Variants in AKAP13 observed in about 807,000 individuals in gnomAD.
The protein encoded by AKAP13 is A-kinase anchoring protein 13, also known as A-kinase anchor protein 13.
In AKAP13, 80 loss-of-function variants were observed where a neutral mutation model predicts 264.5. The ratio of observed to expected loss-of-function variants is 0.30; its 90% CI spans 0.25 to 0.36. AKAP13 has a LOEUF of 0.36. AKAP13 is among the 10% of genes least tolerant of loss of function. AKAP13 has a pLI of 1.00. For synonymous variants in AKAP13, 1,380 were observed against 1,250.2 expected (o/e 1.10, Z -2.19); for missense variants, 3,712 against 3,435.2 (o/e 1.08, Z -2.01).
intron 5 of AKAP13, among the ~76,000 whole-genome samples, chr15:85,565,627 G>C (rs187167298): frequency 9.2e-5 from 14 of 152,328 alleles, no homozygotes; most frequent in African/African-American, 3.4e-4. Context: ...AAAGGAGACT[G>C]AATGTGGAAG....
intron 16 of AKAP13, among the ~76,000 whole-genome samples, chr15:85,686,844 GAACTA>G (rs1161732019): frequency 6.6e-6 from 1 of 152,184 alleles, no homozygotes; most frequent in African/African-American, 2.4e-5. Context: ...GCACCTAAGA[GAACTA>G]AAGCTCATAG....
intron 1 of AKAP13, among the ~76,000 whole-genome samples, chr15:85,392,850 A>T (rs1212638332): frequency 6.6e-6 from 1 of 152,206 alleles, no homozygotes; most frequent in Non-Finnish European, 1.5e-5. Flanking sequence ...GAATAATTGA[A>T]CTGAGCATGA....
At chr15:85,625,050 A>C (rs2081350631) in intron 8 of AKAP13, among the ~76,000 whole-genome samples, 1 of 152,220 alleles carries the variant, frequency 6.6e-6, no homozygotes, top group Admixed American at 6.5e-5. Context: ...AAAACCAATG[A>C]CTATGTTTTG....
At chr15:85,567,941 G>GGTGAGTGTGT (rs2078664127) in intron 5 of AKAP13, among the ~76,000 whole-genome samples, 1 of 141,828 alleles carries the variant, frequency 7.1e-6, no homozygotes, top group African/African-American at 2.6e-5. Flanking sequence ...AGCCCAAAGA[G>GGTGAGTGTGT]GTGTGTGTGT....
intron 16 of AKAP13, among the ~76,000 whole-genome samples, chr15:85,687,649 G>T (rs971582015): frequency 4.0e-5 from 6 of 151,730 alleles, no homozygotes; most frequent in African/African-American, 1.5e-4. Flanking sequence ...TGCCCTAGTG[G>T]CAACTGTAAG....
intron 2 of AKAP13, among the ~76,000 whole-genome samples, chr15:85,498,199 G>GATATAGATATAT (rs1467895169): frequency 0.027 from 3,598 of 132,960 alleles, 104 homozygotes; most frequent in Non-Finnish European, 0.043. Flanking sequence ...AATGAAGTGA[G>GATATAGATATAT]ATATATATAT....
Position 85,744,626 on chromosome 15 carries a change from A to G in AKAP13, c.8393-2A>G. ...TTTCATTCTTGGTTTTCACATTTCC[A>G]GATGGTCCCGCGTCAGAAGTATCAG... On this transcript the variant is annotated splice_acceptor_variant, in intron 36 of 36. Coordinates refer to ENST00000394518, the MANE Select transcript of AKAP13 (RefSeq NM_007200.5). LOFTEE classifies it high-confidence loss of function. 1 of 1,613,996 alleles carries G rather than the reference A, an allele frequency of 6.2e-7. No homozygotes were observed. The highest frequency in any genetic ancestry group is 8.5e-7 in the Non-Finnish European group (1 of 1,179,994).
At chr15:85,476,083 T>A (rs560437834) in intron 1 of AKAP13, among the ~76,000 whole-genome samples, 61 of 152,316 alleles carry the variant, frequency 4.0e-4, no homozygotes, top group African/African-American at 1.4e-3. Context: ...TTATCAGTGA[T>A]AATCCTATTA....
At chr15:85,704,798 A>C (rs11073500) in intron 17 of AKAP13, among the ~76,000 whole-genome samples, 108,139 of 152,120 alleles carry the variant, frequency 0.71, 39,276 homozygotes, top group Non-Finnish European at 0.78. Flanking sequence ...ATTTGTCTTC[A>C]ATTCTTGTGT....
At chr15:85,582,388 A>G (rs1006939811) in intron 7 of AKAP13, among the ~76,000 whole-genome samples, 2 of 152,164 alleles carry the variant, frequency 1.3e-5, no homozygotes, top group African/African-American at 4.8e-5. Flanking sequence ...CTAGAAAACA[A>G]TGCCTAGATC....
At chr15:85,399,496 C>A (rs1410396155) in intron 1 of AKAP13, among the ~76,000 whole-genome samples, 1 of 61,278 alleles carries the variant, frequency 1.6e-5, no homozygotes, top group African/African-American at 1.2e-4. Context: ...GAGCGAGACT[C>A]CGTCTCAAAA....
At position 85,718,257 on chromosome 15, in the gene AKAP13, T is replaced by C. The variant is rs2087069322; in HGVS notation, c.6001+98T>C. 2.1e-6 allele frequency: 3 copies of C among 1,397,918 alleles called. No homozygotes were observed. Among genetic ancestry groups the C allele is most frequent in the South Asian group, 2.7e-5 (2 of 74,746 alleles). 86.6% of individuals were successfully genotyped at this position (1,397,918 alleles called of 1,614,324 possible). A position where few individuals can be genotyped will look rare whatever the true frequency, so the allele number is the denominator to read the frequency against. On this transcript the variant is annotated intron_variant, in intron 22 of 36. Coordinates refer to ENST00000394518, the MANE Select transcript of AKAP13 (RefSeq NM_007200.5). This position sits in a 1 kb window ranked among gnomAD's most constrained non-coding sequence, Gnocchi z 4.9. ...ACTATGAAAAATCAGTTTTTTAGTATGTGGCTTCTTGAAAAGATTTCCTTT... is the reference window on the plus strand; with the variant it reads ...ACTATGAAAAATCAGTTTTTTAGTACGTGGCTTCTTGAAAAGATTTCCTTT...
Position 85,746,223 on chromosome 15 carries a change from A to G in AKAP13, c.*1546A>G, listed in dbSNP as rs554796734. 6.6e-6 allele frequency: 1 copy of G among 152,524 alleles called. No homozygotes were observed. The highest frequency in any genetic ancestry group is 1.5e-5 in the Non-Finnish European group (1 of 68,022). The allele number at this position is 152,524 out of a possible 1,614,324, so 9.4% of individuals were successfully genotyped here. On this transcript the variant is annotated 3_prime_UTR_variant, in exon 37 of 37. Transcript: ENST00000394518. ...TTGCAAGCTGGCCTTGCAGATGGAG[A>G]TATTTATCTTTCAGTTTATTTGAAA...
intron 26 of AKAP13, among the ~76,000 whole-genome samples, chr15:85,725,586 A>C (rs1391370193): frequency 1.3e-5 from 2 of 152,166 alleles, no homozygotes; most frequent in Admixed American, 6.5e-5. Flanking sequence ...CAGTTGCGGC[A>C]GAGGTAGAAG....
intron 1 of AKAP13, among the ~76,000 whole-genome samples, chr15:85,442,148 A>T (rs569864653): frequency 2.0e-4 from 30 of 152,034 alleles, no homozygotes; most frequent in African/African-American, 7.0e-4. Flanking sequence ...GCGGTGGCTC[A>T]TGCCTGTAAT....
chr15:85,520,603 A>AT (rs1360512336), intron 2 of AKAP13: 1 of 513,534 alleles, frequency 1.9e-6, no homozygotes, highest in Non-Finnish European at 3.9e-6. Flanking sequence ...TTTTTGTCTG[A>AT]TTTTATGGGA....
intron 1 of AKAP13, among the ~76,000 whole-genome samples, chr15:85,476,566 T>G (rs1333389410): frequency 1.3e-5 from 2 of 152,254 alleles, no homozygotes; most frequent in Non-Finnish European, 2.9e-5. Flanking sequence ...TCTTTAATTT[T>G]ATGTATTCTC....
intron 19 of AKAP13, among the ~76,000 whole-genome samples, chr15:85,712,852 A>G (rs2086706194): frequency 1.3e-5 from 2 of 152,112 alleles, no homozygotes; most frequent in Admixed American, 1.3e-4. Context: ...CCCTCCCACA[A>G]ATATTCTTAT....
Position 85,693,454 on chromosome 15 carries a change from A to G in AKAP13, c.5464+3A>G. The G allele has an allele frequency of 6.2e-7, 1 of 1,611,312 alleles. No individual in the cohort carries two copies. Among genetic ancestry groups the G allele is most frequent in the Non-Finnish European group, 8.5e-7 (1 of 1,179,304 alleles). On this transcript the variant is annotated splice_donor_region_variant and intron_variant, in intron 17 of 36. Coordinates refer to ENST00000394518, the MANE Select transcript of AKAP13 (RefSeq NM_007200.5). ...CAAAGATGCCTATACTTGTGCAAGT[A>G]AGAGACATGCTTCTTCCTCTCGTAA...
Sources: allele counts gnomAD v4.1 joint callset (sites outside exome capture counted in the v4.1 genomes callset), GRCh38; gene constraint gnomAD v4.1.1; non-coding constraint Gnocchi (gnomAD v3.1); transcripts MANE v1.5; gene names NCBI Gene and HGNC (gene_info 2026-07-23, HGNC 2026-07-21).